The following SGCE variants were observed in gnomAD, a reference collection of about 807,000 sequenced individuals.
SGCE encodes the protein epsilon-sarcoglycan.
In SGCE, 26 loss-of-function variants were observed where a neutral mutation model predicts 57.8. The observed-to-expected ratio is 0.45, with a 90% CI of 0.33 to 0.62. The LOEUF (loss-of-function observed/expected upper bound fraction) is 0.62. SGCE is among the 20% of genes least tolerant of loss of function. The probability of loss-of-function intolerance (pLI) is 0.02; values close to 1 mark genes in which losing one functional copy is unlikely to be tolerated. For missense variants in SGCE, 468 were observed against 548.6 expected, an observed-to-expected ratio of 0.85 and a Z score of 1.47; for synonymous variants, 183 against 189.5, an observed-to-expected ratio of 0.97 and a Z score of 0.28.
At chr7:94,610,405 T>C (rs540775868) in intron 5 of SGCE, among the ~76,000 whole-genome samples, 2 of 152,316 alleles carry the variant, frequency 1.3e-5, no homozygotes, top group South Asian at 4.1e-4. Context: ...GTAACAAATA[T>C]ACCACTCTGG....
At chr7:94,630,325 T>C (rs1008910992) in intron 1 of SGCE, among the ~76,000 whole-genome samples, 1 of 151,868 alleles carries the variant, frequency 6.6e-6, no homozygotes, top group African/African-American at 2.4e-5. Context: ...TGTCAGACTA[T>C]ATAACACTAT....
chr7:94,599,179 G>A (rs1798850863), intron 8 of SGCE: 2 of 500,990 alleles, frequency 4.0e-6, no homozygotes, highest in African/African-American at 3.8e-5. Flanking sequence ...AAATACATAG[G>A]TGTTTTATTA....
chr7:94,602,597 CAA>C (rs1265431454), intron 6 of SGCE, among the ~76,000 whole-genome samples: 2 of 149,574 alleles, frequency 1.3e-5, no homozygotes, highest in Non-Finnish European at 3.0e-5. Context: ...AAAAAAAAAA[CAA>C]AGAATTGAAA....
chr7:94,614,116 A>T (rs1051986765), intron 5 of SGCE, among the ~76,000 whole-genome samples: 18 of 151,022 alleles, frequency 1.2e-4, no homozygotes, highest in Non-Finnish European at 2.4e-4. Context: ...TCAAAAAAAA[A>T]AAAAAAAAAA....
intron 5 of SGCE, among the ~76,000 whole-genome samples, chr7:94,611,527 G>T (rs1801037391): frequency 6.6e-6 from 1 of 152,060 alleles, no homozygotes; most frequent in Non-Finnish European, 1.5e-5. Flanking sequence ...ACAAGGGTGG[G>T]TGTGTGGTGT....
intron 5 of SGCE, among the ~76,000 whole-genome samples, chr7:94,604,955 T>G (rs1315982625): frequency 2.0e-5 from 3 of 150,504 alleles, no homozygotes; most frequent in Non-Finnish European, 4.4e-5. Context: ...AAATTCATGG[T>G]CCTGAGGCAT....
chr7:94,604,806 A>AAT (rs59162734), intron 5 of SGCE, among the ~76,000 whole-genome samples: 598 of 43,806 alleles, frequency 0.014, 10 homozygotes, highest in Non-Finnish European at 0.018. Flanking sequence ...ATGGTGCTGG[A>AAT]ATATATATAT....
intron 9 of SGCE, among the ~76,000 whole-genome samples, chr7:94,596,324 G>A (rs1028302910): frequency 6.6e-6 from 1 of 152,074 alleles, no homozygotes. Context: ...AATATATGTG[G>A]TTAGAAAGGG....
intron 9 of SGCE, among the ~76,000 whole-genome samples, chr7:94,592,020 C>CA (rs1156662448): frequency 1.3e-5 from 2 of 152,058 alleles, no homozygotes; most frequent in South Asian, 2.1e-4. Flanking sequence ...GGTGCTCAAC[C>CA]AAAAAAATAC....
intron 5 of SGCE, among the ~76,000 whole-genome samples, chr7:94,604,811 A>G (rs1287396071): frequency 6.5e-5 from 1 of 15,432 alleles, no homozygotes; most frequent in Non-Finnish European, 1.2e-4. Context: ...GCTGGAATAT[A>G]TATATATATA....
chr7:94,635,951 T>G (rs1340196221), intron 1 of SGCE, among the ~76,000 whole-genome samples: 1 of 152,130 alleles, frequency 6.6e-6, no homozygotes, highest in African/African-American at 2.4e-5. Context: ...TCACAGATAG[T>G]CCATGCCTTG....
At chr7:94,645,736 A>C (rs1806976762) in intron 1 of SGCE, among the ~76,000 whole-genome samples, 1 of 152,182 alleles carries the variant, frequency 6.6e-6, no homozygotes, top group African/African-American at 2.4e-5. Context: ...CATACTGTTG[A>C]GTATTAAATG....
chr7:94,656,108 G>A lies in SGCE; in HGVS notation c.-10C>T. ...ACCGGGGCAATTGCATTCTTGGCCTGGCTAGGCCGTCCGTCCTCGATTCTC... is the reference window on the plus strand; with the variant it reads ...ACCGGGGCAATTGCATTCTTGGCCTAGCTAGGCCGTCCGTCCTCGATTCTC... On this transcript the variant is annotated 5_prime_UTR_variant, in exon 1 of 11. Coordinates refer to ENST00000648936, the MANE Select transcript of SGCE (RefSeq NM_003919.3). The A allele has an allele frequency of 1.3e-6, 2 of 1,542,216 alleles. No homozygotes were observed. The highest frequency in any genetic ancestry group is 1.8e-6 in the Non-Finnish European group (2 of 1,114,642).
chr7:94,623,507 G>C lies in SGCE; in HGVS notation c.391-110C>G. 5 of 735,472 alleles carry C rather than the reference G, an allele frequency of 6.8e-6. No homozygotes were observed. The Admixed American group carries it at 7.2e-5, about 11-fold the overall frequency. The allele number at this position is 735,472 out of a possible 1,614,324, so 45.6% of individuals were successfully genotyped here. A position where few individuals can be genotyped will look rare whatever the true frequency, so the allele number is the denominator to read the frequency against. ...GTCATTCTTTCCATTTTCATTATTT[G>C]TTGATATACTTACAAAATATTCCTT... On this transcript the variant is annotated intron_variant, in intron 3 of 10. Transcript: ENST00000648936.
chr7:94,588,450 G>C, intron 10 of SGCE: 1 of 1,326,978 alleles, frequency 7.5e-7, no homozygotes, highest in Non-Finnish European at 9.7e-7. Flanking sequence ...TCCTTAATTA[G>C]ACAGGACCTC....
chr7:94,599,031 G>C, intron 8 of SGCE, 68 bp from the exon 9 acceptor site: 3 of 1,137,998 alleles, frequency 2.6e-6, no homozygotes, highest in Non-Finnish European at 3.8e-6. Flanking sequence ...TCATCAATTT[G>C]AAAAACTTAT....
chr7:94,632,706 C>G (rs146488969), intron 1 of SGCE, among the ~76,000 whole-genome samples: 1 of 152,168 alleles, frequency 6.6e-6, no homozygotes, highest in East Asian at 1.9e-4. Context: ...TAGAGGAGTG[C>G]CCTTTGCCTT....
intron 1 of SGCE, among the ~76,000 whole-genome samples, chr7:94,646,244 T>C (rs930969975): frequency 1.3e-5 from 2 of 152,234 alleles, no homozygotes; most frequent in African/African-American, 4.8e-5. Flanking sequence ...GAGGAAGCAA[T>C]GCAGCAAAAG....
intron 4 of SGCE, among the ~76,000 whole-genome samples, 177 bp downstream of exon 4, chr7:94,623,148 C>T (rs779292311): frequency 6.6e-6 from 1 of 152,068 alleles, no homozygotes; most frequent in Non-Finnish European, 1.5e-5. Context: ...TCATAACACA[C>T]CATAATATTT....
Sources: allele counts gnomAD v4.1 joint callset (sites outside exome capture counted in the v4.1 genomes callset), GRCh38; gene constraint gnomAD v4.1.1; transcripts MANE v1.5; gene names NCBI Gene and HGNC (gene_info 2026-07-23, HGNC 2026-07-21).